Variants in IGSF5 observed in about 807,000 individuals in gnomAD.
IGSF5 encodes the protein immunoglobulin superfamily 5 like.
A neutral mutation model predicts 39.4 loss-of-function variants in IGSF5; 41 were observed. The ratio of observed to expected loss-of-function variants is 1.04; its 90% CI spans 0.81 to 1.35. IGSF5 has a LOEUF of 1.35. IGSF5 is among the 40% of genes most tolerant of loss of function. The pLI, the probability that IGSF5 is intolerant of heterozygous loss-of-function variation, is 0.00. For synonymous variants in IGSF5, 183 were observed against 175.3 expected (o/e 1.04, Z -0.34); for missense variants, 487 against 494.6 (o/e 0.98, Z 0.15).
chr21:39,770,161 T>C (rs2080106842), intron 3 of IGSF5, among the ~76,000 whole-genome samples: 1 of 152,234 alleles, frequency 6.6e-6, no homozygotes, highest in Non-Finnish European at 1.5e-5. Flanking sequence ...ACTAAGGCTG[T>C]GTCTTTACTG....
the IGSF5 span, among the ~76,000 whole-genome samples, chr21:39,734,318 C>G: frequency 6.6e-6 from 1 of 150,992 alleles, no homozygotes; most frequent in Non-Finnish European, 1.5e-5. Flanking sequence ...AGCTGCTCGG[C>G]AGGCTGAGGC....
intron 3 of IGSF5, 32 bp downstream of exon 3, chr21:39,765,884 A>C: frequency 1.9e-6 from 3 of 1,588,226 alleles, no homozygotes; most frequent in Non-Finnish European, 2.6e-6. Flanking sequence ...GAAGTCCATC[A>C]GGTTAAATGT....
At chr21:39,747,687 G>A (rs902904050) in intron 2 of IGSF5, among the ~76,000 whole-genome samples, 1 of 152,342 alleles carries the variant, frequency 6.6e-6, no homozygotes. Context: ...AACCAAATGA[G>A]TGGTTGTATC....
At chr21:39,728,184 C>T in the IGSF5 span, among the ~76,000 whole-genome samples, 265 of 152,260 alleles carry the variant, frequency 1.7e-3, 2 homozygotes, top group African/African-American at 5.9e-3. Flanking sequence ...ATGTTCACGT[C>T]CCAACCCTTG....
chr21:39,783,505 A>C (rs1251713658), intron 5 of IGSF5, among the ~76,000 whole-genome samples: 1 of 152,212 alleles, frequency 6.6e-6, no homozygotes, highest in Non-Finnish European at 1.5e-5. Flanking sequence ...GACCATTTAC[A>C]TGTCTAAGAA....
upstream of IGSF5, among the ~76,000 whole-genome samples, chr21:39,743,070 A>T (rs973102202): frequency 1.3e-4 from 20 of 152,166 alleles, no homozygotes; most frequent in African/African-American, 3.6e-4. Flanking sequence ...AGTGTACATC[A>T]TTGAATAATT....
chr21:39,741,454 G>A (rs1425313687), upstream of IGSF5, among the ~76,000 whole-genome samples: 1 of 152,192 alleles, frequency 6.6e-6, no homozygotes, highest in Admixed American at 6.5e-5. Context: ...TTAACCTGCT[G>A]TGAGCAGAGC....
chr21:39,739,367 T>C, the IGSF5 span, among the ~76,000 whole-genome samples: 13 of 152,000 alleles, frequency 8.6e-5, no homozygotes, highest in Admixed American at 7.2e-4. Flanking sequence ...AATGCCTGGG[T>C]TTATATCCCA....
chr21:39,778,037 G>A (rs2205205), intron 4 of IGSF5, among the ~76,000 whole-genome samples: 40,156 of 152,062 alleles, frequency 0.26, 6,778 homozygotes, highest in East Asian at 0.47. Context: ...ACCCAAGCAC[G>A]CAGGGTTGAG....
chr21:39,753,381 T>G (rs1238254913), intron 2 of IGSF5, among the ~76,000 whole-genome samples: 1 of 152,208 alleles, frequency 6.6e-6, no homozygotes, highest in African/African-American at 2.4e-5. Flanking sequence ...TACCAAGCTG[T>G]TTTGGTAAGT....
chr21:39,737,141 C>A, the IGSF5 span, among the ~76,000 whole-genome samples: 2 of 151,724 alleles, frequency 1.3e-5, no homozygotes, highest in African/African-American at 2.4e-5. Context: ...TTCTTACCAG[C>A]TCCTAGTAGA....
chr21:39,737,920 G>T, the IGSF5 span, among the ~76,000 whole-genome samples: 1 of 152,220 alleles, frequency 6.6e-6, no homozygotes, highest in East Asian at 1.9e-4. Flanking sequence ...TTCGGCTATG[G>T]GAAGGTGAAA....
At chr21:39,765,008 C>T (rs999412448) in intron 2 of IGSF5, among the ~76,000 whole-genome samples, 3 of 152,190 alleles carry the variant, frequency 2.0e-5, no homozygotes, top group African/African-American at 7.2e-5. Flanking sequence ...TCTTCCATGC[C>T]TCTTCCTTAG....
chr21:39,738,091 T>C, the IGSF5 span, among the ~76,000 whole-genome samples: 3 of 152,320 alleles, frequency 2.0e-5, no homozygotes, highest in East Asian at 5.8e-4. The surrounding 1 kb of genome is among the most constrained non-coding windows in gnomAD (Gnocchi z 6.4). Flanking sequence ...ACTTCTACTC[T>C]CTTACATTCA....
intron 8 of IGSF5, among the ~76,000 whole-genome samples, chr21:39,794,222 G>T (rs969334814): frequency 2.0e-5 from 3 of 152,212 alleles, no homozygotes; most frequent in Non-Finnish European, 4.4e-5. Context: ...GGCTGGAGTT[G>T]CCATTAACGT....
chr21:39,721,424 G>A, the IGSF5 span, among the ~76,000 whole-genome samples: 1 of 152,294 alleles, frequency 6.6e-6, no homozygotes, highest in Non-Finnish European at 1.5e-5. Context: ...AAGGGGTGCT[G>A]GAACTCGGCA....
chr21:39,765,302 C>A (rs1165161152), intron 2 of IGSF5, among the ~76,000 whole-genome samples: 2 of 152,072 alleles, frequency 1.3e-5, no homozygotes, highest in African/African-American at 4.8e-5. Context: ...ACTATTCAAC[C>A]CAATACAGCT....
At chr21:39,716,402 A>C in the IGSF5 span, among the ~76,000 whole-genome samples, 1 of 152,062 alleles carries the variant, frequency 6.6e-6, no homozygotes, top group Non-Finnish European at 1.5e-5. Context: ...ACGTAGATAA[A>C]CACGTGTCAT....
At chr21:39,786,087 A>C (rs1601138965) in intron 5 of IGSF5, among the ~76,000 whole-genome samples, 2 of 152,174 alleles carry the variant, frequency 1.3e-5, no homozygotes, top group Non-Finnish European at 2.9e-5. Flanking sequence ...CAATGGCAAC[A>C]AAAGCCAAAA....
Sources: gnomAD v4.1 joint callset for allele counts (sites outside exome capture counted in the v4.1 genomes callset) on GRCh38, gnomAD v4.1.1 for gene constraint, Gnocchi (gnomAD v3.1) non-coding constraint, MANE v1.5 for transcripts, NCBI Gene and HGNC (gene_info 2026-07-23, HGNC 2026-07-21) for gene names.